The following BTBD9 variants were observed in gnomAD, a reference collection of about 807,000 sequenced individuals.
BTBD9 encodes BTB/POZ domain-containing protein 9.
BTBD9 carries 49 observed loss-of-function variants against 64.3 expected under a neutral mutation model. The ratio of observed to expected loss-of-function variants is 0.76; its 90% confidence interval spans 0.61 to 0.97. BTBD9 has a LOEUF of 0.97. BTBD9 is among the 50% of genes least tolerant of loss of function. The probability of loss-of-function intolerance (pLI) is 0.00; values close to 1 mark genes in which losing one functional copy is unlikely to be tolerated. For synonymous variants in BTBD9, 260 were observed against 274.7 expected, an observed-to-expected ratio of 0.95 and a Z score of 0.53; for missense variants, 598 against 762.1, an observed-to-expected ratio of 0.78 and a Z score of 2.53.
intron 6 of BTBD9, among the ~76,000 whole-genome samples, chr6:38,463,518 GC>G (rs1770201084): frequency 6.6e-6 from 1 of 152,196 alleles, no homozygotes; most frequent in Non-Finnish European, 1.5e-5. Flanking sequence ...TTCTAGAGAT[GC>G]CCTTGATCAG....
At chr6:38,460,919 G>A (rs534317416) in intron 6 of BTBD9, among the ~76,000 whole-genome samples, 1 of 152,256 alleles carries the variant, frequency 6.6e-6, no homozygotes, top group African/African-American at 2.4e-5. Flanking sequence ...CACCACGCCC[G>A]GCCCCACAGT....
chr6:38,479,780 G>C (rs1771049103), intron 6 of BTBD9, among the ~76,000 whole-genome samples: 1 of 152,214 alleles, frequency 6.6e-6, no homozygotes, highest in South Asian at 2.1e-4. Flanking sequence ...CCAGGCTAGA[G>C]TGCAGTGGCG....
In BTBD9 at chr6:38,501,827, T is replaced by A. The variant is rs1166925919; in HGVS notation, c.1154+75773A>T. 2.0e-5 allele frequency among the ~76,000 whole-genome samples: 3 copies of A among 152,152 alleles called. No individual in the cohort carries two copies. The East Asian group carries it at 5.8e-4, about 29-fold the overall frequency. ...CATTAAGATTTGCAAGGCTACTCTC[T>A]CCATTAAATTAATTTTTAAATAGTT... On this transcript the variant is annotated intron_variant, in intron 6 of 10. Coordinates refer to ENST00000481247, the MANE Select transcript of BTBD9 (RefSeq NM_001099272.2).
intron 7 of BTBD9, among the ~76,000 whole-genome samples, chr6:38,334,079 C>T (rs143406851): frequency 1.2e-3 from 189 of 152,292 alleles, no homozygotes; most frequent in African/African-American, 4.3e-3. Context: ...TTTTGCTATG[C>T]TTTAACAAAG....
chr6:38,259,121 T>C (rs1764707756), intron 8 of BTBD9, among the ~76,000 whole-genome samples: 1 of 152,178 alleles, frequency 6.6e-6, no homozygotes, highest in African/African-American at 2.4e-5. Context: ...AACTAAGTGA[T>C]GGAAATGATA....
intron 6 of BTBD9, among the ~76,000 whole-genome samples, chr6:38,496,490 T>A (rs1293101818): frequency 2.0e-5 from 3 of 149,848 alleles, no homozygotes; most frequent in Admixed American, 1.3e-4. Context: ...AAAAAAAAAA[T>A]TAAATTAAAT....
chr6:38,607,406 T>C (rs1777466031), intron 1 of BTBD9, among the ~76,000 whole-genome samples: 1 of 152,184 alleles, frequency 6.6e-6, no homozygotes, highest in Non-Finnish European at 1.5e-5. Flanking sequence ...AGCTTTGCAA[T>C]GTTGCTACAC....
At chr6:38,400,300 T>A (rs773962806) in intron 6 of BTBD9, among the ~76,000 whole-genome samples, 1 of 152,072 alleles carries the variant, frequency 6.6e-6, no homozygotes, top group Non-Finnish European at 1.5e-5. Context: ...GCCCCTCTTA[T>A]CTCCCCTTTC....
intron 6 of BTBD9, among the ~76,000 whole-genome samples, chr6:38,536,300 G>GCTTT (rs1404329833): frequency 6.6e-6 from 1 of 152,086 alleles, no homozygotes; most frequent in Non-Finnish European, 1.5e-5. Context: ...AGTTAAAATG[G>GCTTT]CTTTTATCCA....
At chr6:38,230,745 C>A (rs539194842) in intron 9 of BTBD9, among the ~76,000 whole-genome samples, 1 of 152,128 alleles carries the variant, frequency 6.6e-6, no homozygotes, top group Non-Finnish European at 1.5e-5. Flanking sequence ...CTCTTCAGGG[C>A]CTTAACTATT....
At chr6:38,463,944 A>G (rs1770220959) in intron 6 of BTBD9, among the ~76,000 whole-genome samples, 1 of 152,164 alleles carries the variant, frequency 6.6e-6, no homozygotes, top group Admixed American at 6.5e-5. Context: ...AGGCAGAAGG[A>G]TCATCTGAGC....
At position 38,223,938 on chromosome 6, in the gene BTBD9, C is replaced by T. The variant is rs569804809; in HGVS notation, c.1563-31341G>A. On this transcript the variant is annotated intron_variant, in intron 9 of 10. Transcript: ENST00000481247. ...CTTAAAATAATGAGGTATGGCCTGG[C>T]GCAGTGGCTCACATCTGTAATCCCA... Among the ~76,000 whole-genome samples, 68 of 152,076 alleles carry T rather than the reference C, an allele frequency of 4.5e-4. 3 individuals carry two copies. Among genetic ancestry groups the T allele is most frequent in the Non-Finnish European group, 7.3e-5 (5 of 68,038 alleles).
intron 9 of BTBD9, among the ~76,000 whole-genome samples, chr6:38,253,113 C>CAAA (rs2127532831): frequency 6.9e-6 from 1 of 145,088 alleles, no homozygotes; most frequent in East Asian, 2.4e-4. Context: ...GACTCTGTCT[C>CAAA]AAACAACAAC....
At chr6:38,542,049 C>G (rs921062401) in intron 6 of BTBD9, among the ~76,000 whole-genome samples, 6 of 152,074 alleles carry the variant, frequency 3.9e-5, no homozygotes, top group Non-Finnish European at 7.4e-5. Context: ...CAAGAGAGTA[C>G]AGTTATGACT....
intron 8 of BTBD9, among the ~76,000 whole-genome samples, chr6:38,278,777 G>A (rs1274569745): frequency 6.6e-6 from 1 of 152,184 alleles, no homozygotes; most frequent in Non-Finnish European, 1.5e-5. Flanking sequence ...GCTGGTGTTT[G>A]GTTACAGTAA....
chr6:38,367,064 C>T (rs996308749), intron 6 of BTBD9, among the ~76,000 whole-genome samples: 7 of 152,120 alleles, frequency 4.6e-5, no homozygotes, highest in African/African-American at 1.4e-4. Context: ...AACCCTCGCC[C>T]AAAAATGTGA....
At chr6:38,247,198 T>C (rs530433476) in intron 9 of BTBD9, among the ~76,000 whole-genome samples, 2 of 152,336 alleles carry the variant, frequency 1.3e-5, no homozygotes, top group South Asian at 4.1e-4. Context: ...TCTCTAGATT[T>C]AAATGTACCA....
Position 38,281,946 on chromosome 6 carries a change from G to C in BTBD9, c.1454+6326C>G, listed in dbSNP as rs547509974. Among the ~76,000 whole-genome samples, 10 of 152,302 alleles carry C rather than the reference G, an allele frequency of 6.6e-5. No homozygotes were observed. In the South Asian group the frequency reaches 2.1e-3, roughly 32 times the overall value. ...CTTATAATTAGGGTTTCAACAAAGT[G>C]CTGTCATTTATTAGCTGGAAAAGAC... On this transcript the variant is annotated intron_variant, in intron 8 of 10. Coordinates refer to ENST00000481247, the MANE Select transcript of BTBD9 (RefSeq NM_001099272.2).
intron 7 of BTBD9, among the ~76,000 whole-genome samples, chr6:38,310,342 C>A (rs376364880): frequency 7.9e-5 from 12 of 151,778 alleles, no homozygotes; most frequent in Admixed American, 5.3e-4. Flanking sequence ...GGAGACCTGG[C>A]GCAGTTTGGC....
Sources: gnomAD v4.1 joint callset for allele counts (sites outside exome capture counted in the v4.1 genomes callset) on GRCh38, gnomAD v4.1.1 for gene constraint, MANE v1.5 for transcripts, NCBI Gene and HGNC (gene_info 2026-07-23, HGNC 2026-07-21) for gene names.